The following NPC1L1 variants were observed in gnomAD, a reference collection of about 807,000 sequenced individuals.
The protein encoded by NPC1L1 is NPC1-like intracellular cholesterol transporter 1.
NPC1L1 carries 98 observed loss-of-function variants against 117.0 expected under a neutral mutation model. The ratio of observed to expected loss-of-function variants is 0.84; its 90% CI spans 0.71 to 0.99. The LOEUF is 0.99. Among genes scored for constraint, NPC1L1 ranks in the 50% least tolerant of loss-of-function variants. The pLI, the probability that NPC1L1 is intolerant of heterozygous loss-of-function variation, is 0.00. For synonymous variants in NPC1L1, 729 were observed against 727.6 expected (o/e 1.00, Z -0.03); for missense variants, 1,540 against 1,710.0 (o/e 0.90, Z 1.75).
In NPC1L1 at chr7:44,516,084, C is replaced by T. The variant is rs779576190; in HGVS notation, c.3633G>A (p.Ala1211=). The T allele has an allele frequency of 1.2e-5, 20 of 1,610,914 alleles. No individual in the cohort carries two copies. In the Middle Eastern group the frequency reaches 6.6e-4, roughly 53 times the overall value. ...GGGTGGCCCACTCCTCTCCACTCAC[C>T]GCACTTCCCATAGAGATGGTGGCCT... ...AKEATISMGS[A]VFAGVAMTNL... Residue 1211 remains alanine (A), a splice_region_variant and synonymous_variant, in exon 17 of 19, where the codon GCG becomes GCA. Coordinates refer to ENST00000381160, the MANE Select transcript of NPC1L1 (RefSeq NM_001101648.2).
chr7:44,513,753 G>A, intron 18 of NPC1L1, 104 bp from the exon 19 acceptor site: 2 of 1,286,900 alleles, frequency 1.6e-6, no homozygotes, highest in East Asian at 4.9e-5. Flanking sequence ...AGGGTCCCAG[G>A]GGGGATCTGT....
Position 44,521,108 on chromosome 7 carries a change from G to T in NPC1L1, c.2964C>A (p.Asn988Lys), listed in dbSNP as rs1801340671. 2 of 1,614,052 alleles carry T rather than the reference G, an allele frequency of 1.2e-6. No homozygotes were observed. The highest frequency in any genetic ancestry group is 1.7e-6 in the Non-Finnish European group (2 of 1,180,052). The change falls in exon 13 of 19, where the codon AAC (asparagine) becomes AAA (lysine). Residue 988 changes from asparagine to lysine, a missense_variant. Transcript: ENST00000381160. ...TGATGCTCATGCAGTTCTTTAGGCA[G>T]TTCAGAGAGTCTGCAGAGAAAGCAG... ...KFCPSTVNSL[N>K]CLKNCMSITM... is the part of the protein sequence containing the mutation.
chr7:44,513,509 C>G lies in NPC1L1; in HGVS notation c.3937G>C (p.Gly1313Arg), dbSNP rs1209273794. ...ATGGCACCAGCACCTTTGATAGAAC[C>G]TTCAAAGCTGTGGTTGACATAGATG... ...DNIYVNHSFEGSIKGAGAISN... is the reference protein window; with the variant it reads ...DNIYVNHSFERSIKGAGAISN... Residue 1313 changes from glycine to arginine, a missense_variant, in exon 19 of 19, where the codon GGT becomes CGT. Coordinates refer to ENST00000381160, the MANE Select transcript of NPC1L1 (RefSeq NM_001101648.2). 6.2e-7 allele frequency: 1 copy of G among 1,614,218 alleles called. No individual in the cohort carries two copies.
chr7:44,519,927 T>C (rs983649398), intron 14 of NPC1L1, among the ~76,000 whole-genome samples: 2 of 151,080 alleles, frequency 1.3e-5, no homozygotes, highest in Admixed American at 6.6e-5. Flanking sequence ...CGCCCAGCCT[T>C]CTGAATAGCT....
intron 16 of NPC1L1, 41 bp from the exon 17 acceptor site, chr7:44,516,238 TG>T: frequency 6.5e-7 from 1 of 1,538,254 alleles, no homozygotes; most frequent in African/African-American, 1.4e-5. Context: ...AAGGCAGAGG[TG>T]GGGAAGGAAC....
intron 10 of NPC1L1, among the ~76,000 whole-genome samples, chr7:44,528,479 G>C (rs771050044): frequency 6.6e-6 from 1 of 152,180 alleles, no homozygotes; most frequent in Non-Finnish European, 1.5e-5. Context: ...GTTTTTGTAT[G>C]CTATGGAAAC....
chr7:44,532,112 AG>A lies in NPC1L1; in HGVS notation c.2514del (p.Phe839SerfsTer21). The A allele has an allele frequency of 6.2e-7, 1 of 1,614,148 alleles. No individual in the cohort carries two copies. Among genetic ancestry groups the A allele is most frequent in the Non-Finnish European group, 8.5e-7 (1 of 1,180,034 alleles). ...CCTCGAGTGATCCAGTGCAGCAGGAAGGGGGCATAAGCCTTTTGGAAGAAGC... is the reference window on the plus strand; with the variant it reads ...CCTCGAGTGATCCAGTGCAGCAGGAAGGGGCATAAGCCTTTTGGAAGAAGC... ...LLGFFQKAYA[P>X]FLLHWITRGV... On this transcript the variant is annotated frameshift_variant, in exon 9 of 19. Transcript: ENST00000381160. LOFTEE classifies it high-confidence loss of function.
intron 6 of NPC1L1, 65 bp from the exon 7 acceptor site, chr7:44,533,918 A>T: frequency 7.1e-7 from 1 of 1,401,430 alleles, no homozygotes. Context: ...AAAGGCCAGC[A>T]GGGAGTTGGC....
intron 14 of NPC1L1, among the ~76,000 whole-genome samples, chr7:44,518,146 G>T (rs529630419): frequency 4.6e-5 from 7 of 151,812 alleles, no homozygotes; most frequent in Non-Finnish European, 7.4e-5. Context: ...AGGTTATTAA[G>T]ACCTTTATAC....
chr7:44,520,664 A>G lies in NPC1L1; in HGVS notation c.3136+101T>C, dbSNP rs1359475284. The stretch of plus-strand genomic sequence containing the variant: ...GCCAGCGCAGTGAGAACCTCCTGAC[A>G]AAGGAGGGAGACAACATGTGACAGG... On this transcript the variant is annotated intron_variant, in intron 14 of 18. Transcript: ENST00000381160. 4 of 1,032,990 alleles carry G rather than the reference A, an allele frequency of 3.9e-6. No homozygotes were observed. In the African/African-American group the frequency reaches 6.3e-5, roughly 16 times the overall value. 64.0% of individuals were successfully genotyped at this position (1,032,990 alleles called of 1,614,324 possible).
intron 8 of NPC1L1, chr7:44,533,181 T>A: frequency 2.4e-6 from 1 of 416,314 alleles, no homozygotes; most frequent in Non-Finnish European, 4.5e-6. Flanking sequence ...TGTTCAAGGG[T>A]CAACTGTATT....
chr7:44,515,911 C>T lies in NPC1L1; in HGVS notation c.3688G>A (p.Ala1230Thr), dbSNP rs148506506. Residue 1230 changes from alanine (A) to threonine (T), a missense_variant, in exon 18 of 19, where the codon GCC (alanine) becomes ACC (threonine). This residue lies in a region of NPC1L1 where 742 missense variants were observed against 873.6 expected (regional missense o/e 0.85). Transcript: ENST00000381160. ...AAGATCTGAATGAGCTGGGCCTTGGCGAGGCCCAGGACAAGGATGCCAGGC... is the reference window on the plus strand; with the variant it reads ...AAGATCTGAATGAGCTGGGCCTTGGTGAGGCCCAGGACAAGGATGCCAGGC... Reference protein sequence around the residue: ...NLPGILVLGLAKAQLIQIFFF... With the variant: ...NLPGILVLGLTKAQLIQIFFF... 14 of 1,614,070 alleles carry T rather than the reference C, an allele frequency of 8.7e-6. No individual in the cohort carries two copies. Among genetic ancestry groups the T allele is most frequent in the South Asian group, 3.3e-5 (3 of 91,078 alleles).
In NPC1L1 at chr7:44,539,714, G is replaced by A. The variant is rs777949850; in HGVS notation, c.683C>T (p.Ala228Val). 12 of 1,614,090 alleles carry A rather than the reference G, an allele frequency of 7.4e-6. No individual in the cohort carries two copies. Among genetic ancestry groups the A allele is most frequent in the African/African-American group, 6.7e-5 (5 of 75,058 alleles). The change falls in exon 2 of 19, where the codon GCC (alanine) becomes GTC (valine). Residue 228 changes from alanine (A) to valine (V), a missense_variant. Ala to Val is a moderately conservative substitution (Grantham distance 64). Around this residue, in one of 3 missense-constraint regions of NPC1L1, gnomAD observed 793 missense variants for 820.4 expected, o/e 0.97. Coordinates refer to ENST00000381160, the MANE Select transcript of NPC1L1 (RefSeq NM_001101648.2). This position sits in a 1 kb window ranked among gnomAD's most constrained non-coding sequence, Gnocchi z 4.4. ...ITFHLLEPGQ[A>V]VGSGIQPLNE... The stretch of plus-strand genomic sequence containing the variant: ...CAGAGGCTGAATCCCACTCCCCACG[G>A]CCTGGCCAGGCTCCAAGAGGTGGAA...
chr7:44,527,171 T>C (rs1801542268), intron 10 of NPC1L1, among the ~76,000 whole-genome samples: 1 of 150,448 alleles, frequency 6.6e-6, no homozygotes, highest in South Asian at 2.1e-4. Context: ...AAAAAGACAT[T>C]AGACAGGCCA....
rs1411378292 is a variant in NPC1L1 at position 44,539,970 on chromosome 7, CCACGCGGGTCA to C, written c.416_426del (p.Val139GlyfsTer15). On this transcript the variant is annotated frameshift_variant, in exon 2 of 19. Transcript: ENST00000381160. LOFTEE classifies it high-confidence loss of function. The surrounding 1 kb of genome is among the most constrained non-coding windows in gnomAD (Gnocchi z 4.4). Reference sequence around the variant, plus strand: ...GGGAGTTGTCCAGCCCCTAGCTGGGCCACGCGGGTCACATTGATGAAGAGGCTCTGATTGGG... The same window carrying C: ...GGGAGTTGTCCAGCCCCTAGCTGGGCCATTGATGAAGAGGCTCTGATTGGG... The C allele has an allele frequency of 6.2e-7, 1 of 1,614,222 alleles. No individual in the cohort carries two copies. Among genetic ancestry groups the C allele is most frequent in the Non-Finnish European group, 8.5e-7 (1 of 1,180,038 alleles).
intron 1 of NPC1L1, among the ~76,000 whole-genome samples, 165 bp downstream of exon 1, chr7:44,541,041 C>T (rs1396234238): frequency 1.3e-5 from 2 of 152,186 alleles, no homozygotes; most frequent in East Asian, 3.9e-4. Flanking sequence ...ACCTGCACCC[C>T]TCCTCTGTGG....
intron 8 of NPC1L1, among the ~76,000 whole-genome samples, chr7:44,533,030 C>A (rs111621950): frequency 6.6e-6 from 1 of 151,864 alleles, no homozygotes; most frequent in East Asian, 1.9e-4. Flanking sequence ...CGCTTGAACC[C>A]GGGAGGCAGA....
At chr7:44,527,784 A>G (rs971833132) in intron 10 of NPC1L1, among the ~76,000 whole-genome samples, 9 of 151,954 alleles carry the variant, frequency 5.9e-5, no homozygotes, top group African/African-American at 1.9e-4. Context: ...AGACTCATGC[A>G]AAAAAAATCA....
chr7:44,517,040 A>C, intron 15 of NPC1L1, 106 bp from the exon 16 acceptor site: 5 of 1,440,394 alleles, frequency 3.5e-6, no homozygotes, highest in Non-Finnish European at 2.9e-6. Flanking sequence ...GCAGGCTTAT[A>C]TTGGGGTACA....
Sources: gnomAD v4.1 joint callset for allele counts (sites outside exome capture counted in the v4.1 genomes callset) on GRCh38, gnomAD v4.1.1 for gene constraint, gnomAD v4.1.1 regional missense constraint, Gnocchi (gnomAD v3.1) non-coding constraint, MANE v1.5 for transcripts, NCBI Gene and HGNC (gene_info 2026-07-23, HGNC 2026-07-21) for gene names.